The following LMX1B variants were observed in gnomAD, a reference collection of about 807,000 sequenced individuals.
The protein encoded by LMX1B is LIM homeobox transcription factor 1 beta.
LMX1B carries 12 observed loss-of-function variants against 51.4 expected under a neutral mutation model. The ratio of observed to expected loss-of-function variants is 0.23; its 90% CI spans 0.15 to 0.38. The LOEUF is 0.38. LMX1B is among the 10% of genes least tolerant of loss of function. The probability of loss-of-function intolerance (pLI) is 1.00; values close to 1 mark genes in which losing one functional copy is unlikely to be tolerated. For missense variants in LMX1B, 445 were observed against 571.1 expected (o/e 0.78, Z 2.25); for synonymous variants, 237 against 235.4 (o/e 1.01, Z -0.06).
Position 126,693,765 on chromosome 9 carries a change from G to A in LMX1B, c.839G>A (p.Arg280Gln), listed in dbSNP as rs1206415036. The A allele has an allele frequency of 6.6e-7, 1 of 1,525,212 alleles. No individual in the cohort carries two copies. The highest frequency in any genetic ancestry group is 8.9e-7 in the Non-Finnish European group (1 of 1,127,532). 94.5% of individuals were successfully genotyped at this position (1,525,212 alleles called of 1,614,324 possible). The change falls in exon 6 of 8, where the codon CGG (arginine) becomes CAG (glutamine). Residue 280 changes from arginine to glutamine, a missense_variant. Physicochemically the swap from Arg to Gln is conservative, Grantham distance 43 (BLOSUM62 1). Coordinates refer to ENST00000373474, the MANE Select transcript of LMX1B (RefSeq NM_001174147.2). The part of the protein sequence containing the change: ...QRAKMKKLAR[R>Q]HQQQQEQQNS... ...CTGCAGATGAAGAAGCTGGCGCGGC[G>A]GCACCAGCAGCAGCAGGAGCAGCAG...
chr9:126,662,853 T>C (rs1489072083), intron 2 of LMX1B, among the ~76,000 whole-genome samples: 1 of 152,172 alleles, frequency 6.6e-6, no homozygotes, highest in Non-Finnish European at 1.5e-5. Context: ...CGGGGACATA[T>C]AGGGAGCCTG....
In LMX1B at chr9:126,696,623, C is replaced by A. The variant is rs574095852; in HGVS notation, c.*172C>A. 2.3e-4 allele frequency: 157 copies of A among 676,140 alleles called. 3 individuals are homozygous for A. In the South Asian group the frequency reaches 2.6e-3, roughly 11 times the overall value. The allele number at this position is 676,140 out of a possible 1,614,324, so 41.9% of individuals were successfully genotyped here. A position where few individuals can be genotyped will look rare whatever the true frequency, so the allele number is the denominator to read the frequency against. The stretch of plus-strand genomic sequence containing the variant: ...CTGTGCCCGTTGGGTACAGCCAGAC[C>A]GGTAGATGGGCACAGCCTGGGCAGG... On this transcript the variant is annotated 3_prime_UTR_variant, in exon 8 of 8. Coordinates refer to ENST00000373474, the MANE Select transcript of LMX1B (RefSeq NM_001174147.2).
At chr9:126,660,431 AGT>A (rs1361213906) in intron 2 of LMX1B, among the ~76,000 whole-genome samples, 2 of 152,180 alleles carry the variant, frequency 1.3e-5, no homozygotes, top group African/African-American at 4.8e-5. Context: ...TTCTAAGGGC[AGT>A]GTAAATAGTA....
chr9:126,618,936 G>A lies in LMX1B; in HGVS notation c.326+3367G>A, dbSNP rs904799819. ...TGTGCACGGCGAGACGCGGGGTTCC[G>A]GCCCGGGCCGCGCTCCTACCTCGGC... is the stretch of plus-strand genomic sequence containing the variant. On this transcript the variant is annotated intron_variant, in intron 2 of 7. Transcript: ENST00000373474. This position sits in a 1 kb window ranked among gnomAD's most constrained non-coding sequence, Gnocchi z 4.5. Among the ~76,000 whole-genome samples the A allele has an allele frequency of 2.0e-5, 3 of 151,920 alleles. No homozygotes were observed. Among genetic ancestry groups the A allele is most frequent in the African/African-American group, 4.8e-5 (2 of 41,386 alleles).
intron 2 of LMX1B, among the ~76,000 whole-genome samples, chr9:126,656,196 A>G (rs1188177868): frequency 6.6e-6 from 1 of 152,224 alleles, no homozygotes; most frequent in Non-Finnish European, 1.5e-5. Context: ...CAGTTTCCTT[A>G]AATGAGGAAT....
At chr9:126,691,163 TC>T in intron 3 of LMX1B, 95 bp downstream of exon 3, 1 of 877,222 alleles carries the variant, frequency 1.1e-6, no homozygotes, top group Non-Finnish European at 1.8e-6. Flanking sequence ...ACCTCCTGCT[TC>T]CAGGACCTGA....
Position 126,658,930 on chromosome 9 carries a change from C to T in LMX1B, c.327-31906C>T, listed in dbSNP as rs1836173191. On this transcript the variant is annotated intron_variant, in intron 2 of 7. Coordinates refer to ENST00000373474, the MANE Select transcript of LMX1B (RefSeq NM_001174147.2). This position sits in a 1 kb window ranked among gnomAD's most constrained non-coding sequence, Gnocchi z 4.0. ...CTGGAGGCAAGAGGCACCCAGAAGCCCCACATAGGATGGGGCAGGCCTGAT... is the reference window on the plus strand; with the variant it reads ...CTGGAGGCAAGAGGCACCCAGAAGCTCCACATAGGATGGGGCAGGCCTGAT... Among the ~76,000 whole-genome samples, 1 of 152,134 alleles carries T rather than the reference C, an allele frequency of 6.6e-6. No homozygotes were observed. The highest frequency in any genetic ancestry group is 2.4e-5 in the African/African-American group (1 of 41,418).
In LMX1B at chr9:126,690,780, G is replaced by C. The variant is rs1230831489; in HGVS notation, c.327-56G>C. 4.7e-6 allele frequency: 7 copies of C among 1,476,340 alleles called. No homozygotes were observed. The Admixed American group carries it at 1.3e-4, about 28-fold the overall frequency. 91.5% of individuals were successfully genotyped at this position (1,476,340 alleles called of 1,614,324 possible). ...AGAGGGAGAGGCCCTCGGCAGGAGTGGCCTCTGGGAGGGACTTCTGAGCAC... is the reference window on the plus strand; with the variant it reads ...AGAGGGAGAGGCCCTCGGCAGGAGTCGCCTCTGGGAGGGACTTCTGAGCAC... On this transcript the variant is annotated intron_variant, in intron 2 of 7. Transcript: ENST00000373474.
intron 2 of LMX1B, among the ~76,000 whole-genome samples, chr9:126,690,494 AGCC>A (rs1001258260): frequency 1.3e-5 from 2 of 152,234 alleles, no homozygotes; most frequent in Non-Finnish European, 2.9e-5. Flanking sequence ...GATCCTTTCC[AGCC>A]AGGGGCTGAC....
chr9:126,671,650 A>G lies in LMX1B; in HGVS notation c.327-19186A>G, dbSNP rs4837104. On this transcript the variant is annotated intron_variant, in intron 2 of 7. Coordinates refer to ENST00000373474, the MANE Select transcript of LMX1B (RefSeq NM_001174147.2). The surrounding 1 kb of genome is among the most constrained non-coding windows in gnomAD (Gnocchi z 4.4). ...CCTGTATCTTTTGAAAGATAGGCGC[A>G]CCCCGGGATGAGAGGTCAGCGGGCC... 0.93 allele frequency among the ~76,000 whole-genome samples: 141,029 copies of G among 152,260 alleles called. 65,623 individuals carry two copies. Among genetic ancestry groups the G allele is most frequent in the African/African-American group, 0.96 (39,996 of 41,556 alleles).
chr9:126,634,602 A>ACC (rs55720446), intron 2 of LMX1B, among the ~76,000 whole-genome samples: 1,597 of 150,188 alleles, frequency 0.011, 26 homozygotes, highest in African/African-American at 0.035. Flanking sequence ...GGTTCTGCAC[A>ACC]CCCCCCCCAC....
At chr9:126,648,175 G>A (rs544308489) in intron 2 of LMX1B, among the ~76,000 whole-genome samples, 4 of 152,354 alleles carry the variant, frequency 2.6e-5, no homozygotes, top group South Asian at 2.1e-4. Context: ...CGTGGCAGGC[G>A]TGGACTCCAT....
At chr9:126,654,637 C>T (rs1836079168) in intron 2 of LMX1B, among the ~76,000 whole-genome samples, 1 of 152,200 alleles carries the variant, frequency 6.6e-6, no homozygotes, top group African/African-American at 2.4e-5. Context: ...TCCCCATGTG[C>T]CCTCTGTCTT....
intron 2 of LMX1B, among the ~76,000 whole-genome samples, chr9:126,629,284 G>T (rs1835591078): frequency 6.6e-6 from 1 of 152,208 alleles, no homozygotes; most frequent in Admixed American, 6.5e-5. Context: ...TTTCTGACGG[G>T]CCGGGCAGAC....
At chr9:126,624,213 G>A (rs1471193866) in intron 2 of LMX1B, among the ~76,000 whole-genome samples, 1 of 152,218 alleles carries the variant, frequency 6.6e-6, no homozygotes, top group Admixed American at 6.5e-5. Context: ...TCAGCGTTTC[G>A]GGGACCCTTG....
At chr9:126,682,763 C>A (rs1032316053) in intron 2 of LMX1B, among the ~76,000 whole-genome samples, 12 of 152,058 alleles carry the variant, frequency 7.9e-5, no homozygotes, top group Admixed American at 7.2e-4. Flanking sequence ...GGCGCGGTGG[C>A]GCCTGCCTGT....
intron 2 of LMX1B, among the ~76,000 whole-genome samples, chr9:126,659,918 G>C (rs575828898): frequency 6.6e-6 from 1 of 151,996 alleles, no homozygotes; most frequent in African/African-American, 2.4e-5. Context: ...ATTGTCCTGT[G>C]TGTTTGTCTA....
chr9:126,663,610 G>T (rs993525702), intron 2 of LMX1B, among the ~76,000 whole-genome samples: 1 of 152,172 alleles, frequency 6.6e-6, no homozygotes, highest in Non-Finnish European at 1.5e-5. Context: ...AAACACATAC[G>T]ATGTTTGGAG....
In LMX1B at chr9:126,695,096, C is replaced by T. The variant is rs1188745975; in HGVS notation, c.887-743C>T. Among the ~76,000 whole-genome samples the T allele has an allele frequency of 6.6e-6, 1 of 152,128 alleles. No individual in the cohort carries two copies. The highest frequency in any genetic ancestry group is 1.5e-5 in the Non-Finnish European group (1 of 68,002). ...GTGAAGTCTTCTCATGTCTCTCGCA[C>T]CCTCCTAGGAGCTGTCTCTCCCACA... On this transcript the variant is annotated intron_variant, in intron 6 of 7. Coordinates refer to ENST00000373474, the MANE Select transcript of LMX1B (RefSeq NM_001174147.2). The surrounding 1 kb of genome is among the most constrained non-coding windows in gnomAD (Gnocchi z 5.2).
Sources: gnomAD v4.1 joint callset for allele counts (sites outside exome capture counted in the v4.1 genomes callset) on GRCh38, gnomAD v4.1.1 for gene constraint, Gnocchi (gnomAD v3.1) non-coding constraint, MANE v1.5 for transcripts, NCBI Gene and HGNC (gene_info 2026-07-23, HGNC 2026-07-21) for gene names.